SNX29: variants seen among roughly 807,000 people sequenced by gnomAD.
SNX29 encodes the protein sorting nexin 29.
In SNX29, 78 loss-of-function variants were observed where a neutral mutation model predicts 102.1. That is an observed-to-expected ratio of 0.76 (90% CI 0.64 to 0.92). The LOEUF (loss-of-function observed/expected upper bound fraction) is 0.92. SNX29 is among the 40% of genes least tolerant of loss of function. The probability of loss-of-function intolerance (pLI) is 0.00; values close to 1 mark genes in which losing one functional copy is unlikely to be tolerated. For synonymous variants in SNX29, 580 were observed against 414.5 expected, an observed-to-expected ratio of 1.40 and a Z score of -4.85; for missense variants, 1,280 against 1,061.7, an observed-to-expected ratio of 1.21 and a Z score of -2.86.
At chr16:12,111,496 G>T (rs1180339255) in intron 11 of SNX29, among the ~76,000 whole-genome samples, 1 of 152,090 alleles carries the variant, frequency 6.6e-6, no homozygotes, top group Non-Finnish European at 1.5e-5. Context: ...CCCTGCGCAG[G>T]AGTCCACTTA....
At chr16:12,390,495 A>G (rs6498286) in intron 16 of SNX29, among the ~76,000 whole-genome samples, 79,964 of 151,896 alleles carry the variant, frequency 0.53, 22,071 homozygotes, top group Non-Finnish European at 0.61. Context: ...AAGCCCCGGG[A>G]CTTCCTCTCC....
chr16:12,461,346 TC>T (rs2086768233), intron 18 of SNX29, among the ~76,000 whole-genome samples: 1 of 152,178 alleles, frequency 6.6e-6, no homozygotes, highest in Non-Finnish European at 1.5e-5. Context: ...GGAAGGAATT[TC>T]CAGAGGTGGT....
rs147618832 is a variant in SNX29, at chr16:12,048,583, C to A, written c.711C>A (p.Thr237=). 3.1e-6 allele frequency: 5 copies of A among 1,613,732 alleles called. No homozygotes were observed. Among genetic ancestry groups the A allele is most frequent in the Non-Finnish European group, 3.4e-6 (4 of 1,179,868 alleles). ...VSILIKPEQE[T]DPLPVVSRNV... is the part of the protein sequence containing the mutation. ...TCCTCATCAAACCTGAACAGGAGAC[C>A]GACCCCTTGCCTGTCGTGTCCAGGA... Residue 237 remains threonine (T), a synonymous_variant, in exon 7 of 21, where the codon ACC becomes ACA. Transcript: ENST00000566228.
At chr16:12,306,954 C>G (rs566104929) in intron 15 of SNX29, among the ~76,000 whole-genome samples, 4 of 152,128 alleles carry the variant, frequency 2.6e-5, no homozygotes, top group South Asian at 4.1e-4. Context: ...GCCTGCACCC[C>G]CTTGTGCAGG....
At chr16:12,198,825 C>T (rs2141960327) in intron 13 of SNX29, among the ~76,000 whole-genome samples, 1 of 152,358 alleles carries the variant, frequency 6.6e-6, no homozygotes, top group East Asian at 1.9e-4. Context: ...AAGCATCTTT[C>T]CGCTGAATGA....
intron 20 of SNX29, among the ~76,000 whole-genome samples, chr16:12,549,620 C>G (rs996443395): frequency 6.6e-6 from 1 of 152,220 alleles, no homozygotes; most frequent in Non-Finnish European, 1.5e-5. Context: ...CCTTGCCCTC[C>G]ACACGCTCTG....
intron 14 of SNX29, among the ~76,000 whole-genome samples, chr16:12,258,779 C>G (rs191975966): frequency 2.0e-5 from 3 of 152,212 alleles, no homozygotes; most frequent in African/African-American, 7.2e-5. Context: ...TGAGGTAGTT[C>G]CTGAATCAGA....
At chr16:12,487,147 C>T (rs1046870187) in intron 19 of SNX29, among the ~76,000 whole-genome samples, 1 of 152,156 alleles carries the variant, frequency 6.6e-6, no homozygotes, top group African/African-American at 2.4e-5. Flanking sequence ...CTGTAAAGTG[C>T]TCAGAACAGT....
chr16:12,164,338 G>A (rs1380876010), intron 13 of SNX29, among the ~76,000 whole-genome samples: 1 of 152,178 alleles, frequency 6.6e-6, no homozygotes, highest in Non-Finnish European at 1.5e-5. Context: ...GGTTAATAGA[G>A]TACTAGTTAT....
chr16:12,047,767 CCTG>C (rs1351525192), intron 6 of SNX29, among the ~76,000 whole-genome samples: 1 of 151,388 alleles, frequency 6.6e-6, no homozygotes, highest in Admixed American at 6.6e-5. Context: ...AAGCGATTCT[CCTG>C]CTGCAGCCTC....
At chr16:12,436,051 G>C (rs993555227) in intron 18 of SNX29, among the ~76,000 whole-genome samples, 1 of 152,220 alleles carries the variant, frequency 6.6e-6, no homozygotes, top group African/African-American at 2.4e-5. Flanking sequence ...TTGTGGGGGC[G>C]GGTGTCAATG....
At chr16:12,153,377 C>G (rs1023515001) in intron 13 of SNX29, among the ~76,000 whole-genome samples, 1 of 152,118 alleles carries the variant, frequency 6.6e-6, no homozygotes, top group Admixed American at 6.5e-5. Flanking sequence ...GATCTCTTGG[C>G]CGGTCTTGTG....
At chr16:12,554,148 G>A (rs546089799) in intron 20 of SNX29, among the ~76,000 whole-genome samples, 1 of 152,320 alleles carries the variant, frequency 6.6e-6, no homozygotes, top group South Asian at 2.1e-4. Context: ...GCTCTTTACT[G>A]TGTTTAAGTA....
chr16:12,547,356 A>T (rs773636927), intron 20 of SNX29, among the ~76,000 whole-genome samples: 1 of 152,200 alleles, frequency 6.6e-6, no homozygotes, highest in Non-Finnish European at 1.5e-5. Flanking sequence ...TCTAGCTGCC[A>T]TGTGGAGTCA....
chr16:12,572,860 A>C lies in SNX29; in HGVS notation c.*4231A>C. The C allele has an allele frequency of 9.4e-7, 1 of 1,063,286 alleles. No individual in the cohort carries two copies. Among genetic ancestry groups the C allele is most frequent in the Non-Finnish European group, 1.1e-6 (1 of 877,882 alleles). The allele number at this position is 1,063,286 out of a possible 1,614,324, so 65.9% of individuals were successfully genotyped here. A position where few individuals can be genotyped will look rare whatever the true frequency, so the allele number is the denominator to read the frequency against. On this transcript the variant is annotated 3_prime_UTR_variant, in exon 21 of 21. Transcript: ENST00000566228. ...GCCTCATGCCCAGGTTTCAGCCCTA[A>C]AGGTAATGATTGTCTTGACTCTGCC...
chr16:12,142,841 C>T (rs1193289671), intron 13 of SNX29, among the ~76,000 whole-genome samples: 1 of 150,556 alleles, frequency 6.6e-6, no homozygotes, highest in Non-Finnish European at 1.5e-5. Context: ...GATTACAGAC[C>T]TGAGCCACCG....
At chr16:12,522,849 C>G (rs942157447) in intron 19 of SNX29, among the ~76,000 whole-genome samples, 2 of 152,204 alleles carry the variant, frequency 1.3e-5, no homozygotes, top group African/African-American at 4.8e-5. Context: ...GTCTAACTGT[C>G]TCCCAGGGTG....
chr16:12,530,618 C>T (rs1017304884), intron 20 of SNX29, among the ~76,000 whole-genome samples: 5 of 151,840 alleles, frequency 3.3e-5, no homozygotes, highest in African/African-American at 1.2e-4. Context: ...TGCAGTGGCG[C>T]AATCTCAGCT....
At chr16:12,559,286 A>T (rs1250418764) in intron 20 of SNX29, among the ~76,000 whole-genome samples, 1 of 152,074 alleles carries the variant, frequency 6.6e-6, no homozygotes, top group Non-Finnish European at 1.5e-5. Flanking sequence ...GCAGCACTGC[A>T]TTCTGAAAGG....
Sources: allele counts gnomAD v4.1 joint callset (sites outside exome capture counted in the v4.1 genomes callset), GRCh38; gene constraint gnomAD v4.1.1; transcripts MANE v1.5; gene names NCBI Gene and HGNC (gene_info 2026-07-23, HGNC 2026-07-21).